SPATA16: variants seen among roughly 807,000 people sequenced by gnomAD.
SPATA16 encodes spermatogenesis associated 16, also known as spermatogenesis-associated protein 16.
Under a neutral mutation model 63.3 loss-of-function variants are expected in SPATA16, and 36 were observed. The ratio of observed to expected loss-of-function variants is 0.57; its 90% CI spans 0.44 to 0.75. SPATA16 has a LOEUF of 0.75. SPATA16 is among the 30% of genes least tolerant of loss of function. The pLI, the probability that SPATA16 is intolerant of heterozygous loss-of-function variation, is 0.00. For missense variants in SPATA16, 646 were observed against 679.3 expected, an observed-to-expected ratio of 0.95 and a Z score of 0.54; for synonymous variants, 203 against 216.7, an observed-to-expected ratio of 0.94 and a Z score of 0.56.
intron 4 of SPATA16, among the ~76,000 whole-genome samples, chr3:173,014,523 A>G (rs1275289530): frequency 6.6e-6 from 1 of 152,244 alleles, no homozygotes; most frequent in Non-Finnish European, 1.5e-5. Context: ...TTTGCATCCC[A>G]AACCTCAGTG....
chr3:173,097,683 C>T (rs548535882), intron 2 of SPATA16, among the ~76,000 whole-genome samples: 9 of 152,164 alleles, frequency 5.9e-5, no homozygotes, highest in East Asian at 3.9e-4. Context: ...ATTTACTGCA[C>T]GTAAGGGATG....
chr3:173,024,077 C>T lies in SPATA16; in HGVS notation c.759-4502G>A, dbSNP rs76188028. 2.0e-3 allele frequency among the ~76,000 whole-genome samples: 297 copies of T among 151,550 alleles called. 2 individuals carry two copies. Among genetic ancestry groups the T allele is most frequent in the African/African-American group, 6.4e-3 (265 of 41,458 alleles). ...TGTATGCACATTAAGGTTTGAGAAA[C>T]ACTACATGTATGCACAATAGGTATG... On this transcript the variant is annotated intron_variant, in intron 3 of 10. Coordinates refer to ENST00000351008, the MANE Select transcript of SPATA16 (RefSeq NM_031955.6).
chr3:172,954,904 C>T (rs551975090), intron 6 of SPATA16, among the ~76,000 whole-genome samples: 1 of 152,196 alleles, frequency 6.6e-6, no homozygotes, highest in Non-Finnish European at 1.5e-5. Flanking sequence ...CTCTACCTCA[C>T]GTTCCTCCTC....
intron 6 of SPATA16, among the ~76,000 whole-genome samples, chr3:172,955,348 T>C (rs1733543807): frequency 6.6e-6 from 1 of 152,190 alleles, no homozygotes; most frequent in Admixed American, 6.6e-5. Flanking sequence ...TAATGCTAGA[T>C]AGATATGACT....
intron 4 of SPATA16, among the ~76,000 whole-genome samples, chr3:172,979,009 C>T (rs554852086): frequency 2.8e-4 from 43 of 152,048 alleles, no homozygotes; most frequent in Non-Finnish European, 4.3e-4. Flanking sequence ...AGGCCGAGGT[C>T]GGCGGATCAT....
chr3:172,913,767 A>G (rs1732422210), intron 9 of SPATA16, 23 bp from the exon 10 acceptor site: 1 of 1,603,732 alleles, frequency 6.2e-7, no homozygotes, highest in Non-Finnish European at 8.5e-7. Flanking sequence ...GATAAAAATT[A>G]TCAGTGTGGA....
intron 4 of SPATA16, among the ~76,000 whole-genome samples, chr3:173,012,834 A>T (rs1224184063): frequency 1.3e-5 from 2 of 152,216 alleles, no homozygotes; most frequent in Non-Finnish European, 2.9e-5. Context: ...CTTGGAAGAA[A>T]ACCTAGGATA....
intron 5 of SPATA16, among the ~76,000 whole-genome samples, chr3:172,958,034 A>G (rs1733641194): frequency 6.6e-6 from 1 of 152,192 alleles, no homozygotes; most frequent in Non-Finnish European, 1.5e-5. Flanking sequence ...CAAATTTCTG[A>G]ATGAAATTCA....
chr3:173,022,557 AT>A (rs1735357421), intron 3 of SPATA16, among the ~76,000 whole-genome samples: 2 of 152,118 alleles, frequency 1.3e-5, no homozygotes, highest in South Asian at 4.1e-4. Flanking sequence ...TTATACTTTT[AT>A]TAATTTATCG....
chr3:172,935,531 CTCT>C (rs1418094305), intron 6 of SPATA16, among the ~76,000 whole-genome samples: 1 of 152,058 alleles, frequency 6.6e-6, no homozygotes, highest in African/African-American at 2.4e-5. Context: ...TATTTTTAGG[CTCT>C]TCTTGCAAGA....
At chr3:173,098,276 A>C (rs1465900172) in intron 2 of SPATA16, among the ~76,000 whole-genome samples, 1 of 152,076 alleles carries the variant, frequency 6.6e-6, no homozygotes, top group African/African-American at 2.4e-5. Context: ...TCCATATACC[A>C]CCTCATTCTT....
chr3:173,070,801 G>A (rs1002173650), intron 2 of SPATA16, among the ~76,000 whole-genome samples: 2 of 152,112 alleles, frequency 1.3e-5, no homozygotes, highest in Non-Finnish European at 2.9e-5. Context: ...ATTGATGAAA[G>A]AAATTGAAGA....
chr3:173,063,123 T>C (rs1263534302), intron 2 of SPATA16, among the ~76,000 whole-genome samples: 1 of 152,246 alleles, frequency 6.6e-6, no homozygotes, highest in Non-Finnish European at 1.5e-5. Context: ...TCTATATTTG[T>C]CTATATACCA....
intron 3 of SPATA16, among the ~76,000 whole-genome samples, chr3:173,041,640 A>G (rs1482563640): frequency 6.6e-6 from 1 of 152,090 alleles, no homozygotes; most frequent in African/African-American, 2.4e-5. Flanking sequence ...GGCACCCGCA[A>G]TGTTCCCTAT....
chr3:173,141,201 G>A lies in SPATA16; in HGVS notation c.-117C>T, dbSNP rs1279471319. 1 of 152,270 alleles carries A rather than the reference G, an allele frequency of 6.6e-6. No individual in the cohort carries two copies. Among genetic ancestry groups the A allele is most frequent in the Non-Finnish European group, 1.5e-5 (1 of 68,076 alleles). The allele number at this position is 152,270 out of a possible 1,614,324, so 9.4% of individuals were successfully genotyped here. A position where few individuals can be genotyped will look rare whatever the true frequency, so the allele number is the denominator to read the frequency against. On this transcript the variant is annotated 5_prime_UTR_variant, in exon 1 of 11. Coordinates refer to ENST00000351008, the MANE Select transcript of SPATA16 (RefSeq NM_031955.6). The stretch of plus-strand genomic sequence containing the variant: ...CACCGGCTTCCCAACGTCCCACTGC[G>A]AGGCCTGATCAGGCTGCTTGCTCGC...
intron 10 of SPATA16, among the ~76,000 whole-genome samples, chr3:172,895,461 G>T (rs978982125): frequency 6.6e-6 from 1 of 151,970 alleles, no homozygotes; most frequent in South Asian, 2.1e-4. Context: ...TCAGCATCCC[G>T]AGTAGCTGGG....
chr3:172,900,628 TG>T (rs561283954), intron 10 of SPATA16, among the ~76,000 whole-genome samples: 67 of 150,638 alleles, frequency 4.4e-4, no homozygotes, highest in Admixed American at 1.2e-3. Context: ...GAAGAGGTAA[TG>T]TTTTTTTTTG....
rs146691311 is a variant in SPATA16 at position 173,137,473 on chromosome 3, T to C, written c.-19+3630A>G. Among the ~76,000 whole-genome samples the C allele has an allele frequency of 8.0e-3, 1,216 of 152,256 alleles. 21 individuals are homozygous for C. The highest frequency in any genetic ancestry group is 0.028 in the African/African-American group (1,176 of 41,544). ...AACAACAGAGTCACAGAAAGGTCCA[T>C]GGAAGGCGGGATCTATGGGAGGAAA... On this transcript the variant is annotated intron_variant, in intron 1 of 10. Coordinates refer to ENST00000351008, the MANE Select transcript of SPATA16 (RefSeq NM_031955.6).
intron 6 of SPATA16, among the ~76,000 whole-genome samples, chr3:172,940,661 A>AC (rs1330345721): frequency 2.6e-5 from 4 of 152,234 alleles, no homozygotes; most frequent in Admixed American, 2.0e-4. Flanking sequence ...TATAACTTGA[A>AC]CATGTACCTC....
Sources: gnomAD v4.1 joint callset for allele counts (sites outside exome capture counted in the v4.1 genomes callset) on GRCh38, gnomAD v4.1.1 for gene constraint, MANE v1.5 for transcripts, NCBI Gene and HGNC (gene_info 2026-07-23, HGNC 2026-07-21) for gene names.